CSMD1: variants seen among roughly 807,000 people sequenced by gnomAD.
CSMD1 encodes CUB and sushi domain-containing protein 1.
Under a neutral mutation model 417.5 loss-of-function variants are expected in CSMD1, and 213 were observed. The observed-to-expected ratio is 0.51, with a 90% confidence interval of 0.46 to 0.57. The LOEUF (loss-of-function observed/expected upper bound fraction) is 0.57, where lower values mean the gene tolerates loss of function less well. Ranked by LOEUF, CSMD1 falls within the 20% of genes least tolerant of loss-of-function variation. CSMD1 has a pLI of 0.00. For missense variants in CSMD1, 6,923 were observed against 4,529.7 expected (o/e 1.53, Z -15.17); for synonymous variants, 2,862 against 1,736.8 (o/e 1.65, Z -16.11).
chr8:3,165,791 T>G (rs983869734), intron 37 of CSMD1, among the ~76,000 whole-genome samples: 33 of 151,988 alleles, frequency 2.2e-4, no homozygotes, highest in Non-Finnish European at 4.4e-4. Context: ...GATGGGGATG[T>G]TAAAATAGGG....
In CSMD1 at chr8:2,966,661, A is replaced by G; in HGVS notation, c.9009T>C (p.Tyr3003=). ...DGILFSSSVI[Y]ACWEGYKTSG... is the part of the protein sequence containing the mutation. The stretch of plus-strand genomic sequence containing the variant: ...AGGTCTTGTAGCCTTCCCAGCAGGC[A>G]TAGATGACCGAGCTGGAGAACAGAA... Residue 3003 remains tyrosine, a synonymous_variant, in exon 58 of 70, where the codon TAT becomes TAC. Coordinates refer to ENST00000635120, the MANE Select transcript of CSMD1 (RefSeq NM_033225.6). The G allele has an allele frequency of 6.2e-7, 1 of 1,613,790 alleles. No homozygotes were observed. The highest frequency in any genetic ancestry group is 8.5e-7 in the Non-Finnish European group (1 of 1,179,808).
chr8:3,883,809 A>T (rs1221112626), intron 5 of CSMD1, among the ~76,000 whole-genome samples: 1 of 152,142 alleles, frequency 6.6e-6, no homozygotes, highest in Non-Finnish European at 1.5e-5. Flanking sequence ...CAATCCCATT[A>T]ACAACTACTG....
At chr8:4,453,105 A>G (rs1410525507) in intron 2 of CSMD1, among the ~76,000 whole-genome samples, 5 of 152,064 alleles carry the variant, frequency 3.3e-5, no homozygotes, top group Non-Finnish European at 7.4e-5. Flanking sequence ...CAGGGAGCCA[A>G]TGATTCGGAA....
At chr8:4,764,516 T>C (rs1276485985) in intron 1 of CSMD1, among the ~76,000 whole-genome samples, 1 of 152,130 alleles carries the variant, frequency 6.6e-6, no homozygotes, top group Non-Finnish European at 1.5e-5. Context: ...AGGAATGGAA[T>C]TCTTCAAATT....
At chr8:4,951,384 G>C (rs928789181) in intron 1 of CSMD1, among the ~76,000 whole-genome samples, 2 of 151,596 alleles carry the variant, frequency 1.3e-5, no homozygotes, top group African/African-American at 2.4e-5. Flanking sequence ...AGCCAGTCAG[G>C]ATCAGAGGTG....
At chr8:4,258,097 C>T (rs915999506) in intron 3 of CSMD1, among the ~76,000 whole-genome samples, 19 of 151,564 alleles carry the variant, frequency 1.3e-4, no homozygotes, top group Admixed American at 1.1e-3. Context: ...GCCCGTGCTA[C>T]CATTCCCGGC....
At chr8:3,377,099 C>T (rs1810354411) in intron 18 of CSMD1, among the ~76,000 whole-genome samples, 2 of 152,060 alleles carry the variant, frequency 1.3e-5, no homozygotes, top group Admixed American at 1.3e-4. Context: ...GCCTTGACCA[C>T]CTGGGCTCAA....
At chr8:3,745,470 C>T (rs916054299) in intron 6 of CSMD1, among the ~76,000 whole-genome samples, 1 of 152,226 alleles carries the variant, frequency 6.6e-6, no homozygotes, top group Non-Finnish European at 1.5e-5. Flanking sequence ...TAATCTGAGA[C>T]AGTCTGAGGA....
At chr8:4,399,932 C>T (rs1490355678) in intron 3 of CSMD1, among the ~76,000 whole-genome samples, 1 of 152,112 alleles carries the variant, frequency 6.6e-6, no homozygotes, top group African/African-American at 2.4e-5. Flanking sequence ...GCTTTTTTCT[C>T]CAGACCTCAT....
At chr8:4,720,816 G>GT (rs1195648507) in intron 1 of CSMD1, among the ~76,000 whole-genome samples, 1 of 151,948 alleles carries the variant, frequency 6.6e-6, no homozygotes, top group Non-Finnish European at 1.5e-5. Flanking sequence ...GATCAACAAC[G>GT]GCCATAAGGA....
Position 3,872,355 on chromosome 8 carries a change from C to A in CSMD1, c.819-118313G>T, listed in dbSNP as rs116302181. Among the ~76,000 whole-genome samples the A allele has an allele frequency of 2.1e-3, 321 of 152,276 alleles. 2 individuals carry two copies. Among genetic ancestry groups the A allele is most frequent in the African/African-American group, 7.5e-3 (312 of 41,538 alleles). On this transcript the variant is annotated intron_variant, in intron 5 of 69. Coordinates refer to ENST00000635120, the MANE Select transcript of CSMD1 (RefSeq NM_033225.6). ...CTTTCCCCCGGCAAAGTGCCAGGTG[C>A]TGTGTTGGCAAGATGTCCCTGCTTC...
At chr8:3,908,380 A>T (rs1212020033) in intron 5 of CSMD1, among the ~76,000 whole-genome samples, 1 of 152,220 alleles carries the variant, frequency 6.6e-6, no homozygotes, top group Non-Finnish European at 1.5e-5. Context: ...CATTTTCCCA[A>T]TGGGAATCTG....
At chr8:3,295,894 C>G (rs140143901) in intron 25 of CSMD1, among the ~76,000 whole-genome samples, 1 of 152,022 alleles carries the variant, frequency 6.6e-6, no homozygotes, top group African/African-American at 2.4e-5. Flanking sequence ...AACATTTACT[C>G]GGCACCAAGA....
At position 3,210,256 on chromosome 8, in the gene CSMD1, A is replaced by G. The variant is rs556093034; in HGVS notation, c.4867+4241T>C. On this transcript the variant is annotated intron_variant, in intron 30 of 69. Coordinates refer to ENST00000635120, the MANE Select transcript of CSMD1 (RefSeq NM_033225.6). Reference sequence around the variant, plus strand: ...TCTCTGCTTTCCAGATTTATAACATAAAGCTTTATTTGCATGTAAATGGAA... The same window carrying G: ...TCTCTGCTTTCCAGATTTATAACATGAAGCTTTATTTGCATGTAAATGGAA... Among the ~76,000 whole-genome samples the G allele has an allele frequency of 2.7e-3, 417 of 152,228 alleles. 3 individuals are homozygous for G. Among genetic ancestry groups the G allele is most frequent in the African/African-American group, 9.6e-3 (399 of 41,546 alleles).
chr8:4,440,648 G>A (rs1330819449), intron 2 of CSMD1, among the ~76,000 whole-genome samples: 2 of 152,164 alleles, frequency 1.3e-5, no homozygotes, highest in South Asian at 4.1e-4. Flanking sequence ...AAAATTGATT[G>A]CATACATTTG....
intron 2 of CSMD1, among the ~76,000 whole-genome samples, chr8:4,594,652 C>G (rs1307352560): frequency 1.3e-5 from 2 of 152,098 alleles, no homozygotes; most frequent in Non-Finnish European, 2.9e-5. Context: ...ACTTCAAAAC[C>G]TACATTTTAC....
chr8:4,920,134 C>T (rs1420290133), intron 1 of CSMD1, among the ~76,000 whole-genome samples: 2 of 152,092 alleles, frequency 1.3e-5, no homozygotes, highest in Non-Finnish European at 2.9e-5. Context: ...ATGAAAATTC[C>T]TACCTTGTAT....
chr8:4,246,197 C>G (rs1469306549), intron 3 of CSMD1, among the ~76,000 whole-genome samples: 1 of 152,088 alleles, frequency 6.6e-6, no homozygotes, highest in Non-Finnish European at 1.5e-5. Flanking sequence ...CCAAAAGGCC[C>G]CAGTGTGTGT....
intron 5 of CSMD1, among the ~76,000 whole-genome samples, chr8:3,839,725 C>G (rs928535094): frequency 6.7e-6 from 1 of 149,516 alleles, no homozygotes; most frequent in Non-Finnish European, 1.5e-5. Flanking sequence ...CTCTTTAAAG[C>G]ACTTCGCTTG....
Sources: allele counts gnomAD v4.1 joint callset (sites outside exome capture counted in the v4.1 genomes callset), GRCh38; gene constraint gnomAD v4.1.1; transcripts MANE v1.5; gene names NCBI Gene and HGNC (gene_info 2026-07-23, HGNC 2026-07-21).